AMPD2: variants seen among roughly 807,000 people sequenced by gnomAD.
The protein encoded by AMPD2 is AMP deaminase 2.
AMPD2 carries 52 observed loss-of-function variants against 91.3 expected under a neutral mutation model. The observed-to-expected ratio is 0.57, with a 90% confidence interval of 0.46 to 0.72. AMPD2 has a LOEUF of 0.72. Ranked by LOEUF, AMPD2 falls within the 30% of genes least tolerant of loss-of-function variation. The pLI is 0.00. For missense variants in AMPD2, 822 were observed against 1,122.3 expected, an observed-to-expected ratio of 0.73 and a Z score of 3.82; for synonymous variants, 455 against 456.4, an observed-to-expected ratio of 1.00 and a Z score of 0.04.
At position 109,631,514 on chromosome 1, in the gene AMPD2, T is replaced by G. The variant is rs1651269216; in HGVS notation, c.*362T>G. The G allele has an allele frequency of 5.6e-6, 2 of 359,216 alleles. No individual in the cohort carries two copies. Among genetic ancestry groups the G allele is most frequent in the South Asian group, 5.4e-5 (2 of 37,336 alleles). 22.3% of individuals were successfully genotyped at this position (359,216 alleles called of 1,614,324 possible). A position where few individuals can be genotyped will look rare whatever the true frequency, so the allele number is the denominator to read the frequency against. On this transcript the variant is annotated 3_prime_UTR_variant, in exon 19 of 19. Coordinates refer to ENST00000528667, the MANE Select transcript of AMPD2 (RefSeq NM_001368809.2). ...GCCTTTCCGGTCCTTCCTGGGCAAA[T>G]CTAAGCCTTGGCCAGGGCCGAAGTT...
intron 9 of AMPD2, 91 bp downstream of exon 9, chr1:109,627,609 C>G: frequency 1.3e-6 from 2 of 1,547,394 alleles, no homozygotes; most frequent in South Asian, 2.3e-5. Context: ...CACCTGGTGT[C>G]TTGCCCTTCC....
chr1:109,627,837 C>T lies in AMPD2; in HGVS notation c.1014C>T (p.Leu338=). 6.2e-7 allele frequency: 1 copy of T among 1,614,140 alleles called. No homozygotes were observed. The highest frequency in any genetic ancestry group is 8.5e-7 in the Non-Finnish European group (1 of 1,180,014). The change falls in exon 10 of 19, where the codon CTC becomes CTT. Residue 338 remains leucine, a synonymous_variant. Transcript: ENST00000528667. ...CCAAGTTCCAGATGCATGTGCTACT[C>T]AATGAGATGAAGGAGCTGGCCGCCC... ...LSSKFQMHVL[L]NEMKELAAQK...
At chr1:109,622,089 T>A in intron 2 of AMPD2, 1 of 404,126 alleles carries the variant, frequency 2.5e-6, no homozygotes, top group South Asian at 1.8e-5. Context: ...CCACCCTGAC[T>A]TTGATGACCA....
Position 109,621,198 on chromosome 1 carries a change from C to T in AMPD2, c.23C>T (p.Ser8Phe), listed in dbSNP as rs147463318. 1 of 1,608,296 alleles carries T rather than the reference C, an allele frequency of 6.2e-7. No homozygotes were observed. Among genetic ancestry groups the T allele is most frequent in the Non-Finnish European group, 8.5e-7 (1 of 1,177,248 alleles). ...GCCATGGCATCCTATCCATCTGGCT[C>T]TGGCAAGCCCAAGGCCAAATATCCC... The part of the protein sequence containing the change: MASYPSG[S>F]GKPKAKYPFK... Residue 8 changes from serine (S) to phenylalanine (F), a missense_variant, in exon 2 of 19, where the codon TCT (serine) becomes TTT (phenylalanine). By Grantham distance (155) the Ser-to-Phe change is radical (BLOSUM62 -2). This residue lies in a region of AMPD2 where 105 missense variants were observed against 125.0 expected (regional missense o/e 0.84). Transcript: ENST00000528667.
chr1:109,620,405 G>A (rs1650143181), intron 1 of AMPD2, 127 bp downstream of exon 1: 2 of 1,453,714 alleles, frequency 1.4e-6, no homozygotes, highest in Admixed American at 1.9e-5. Flanking sequence ...CTCCTCCCAG[G>A]AGGGCCTGGG....
chr1:109,629,578 C>T (rs941302482), intron 15 of AMPD2, 88 bp downstream of exon 15: 106 of 1,535,944 alleles, frequency 6.9e-5, no homozygotes, highest in Non-Finnish European at 9.2e-5. Flanking sequence ...GCCACTAGAC[C>T]TCTGACCCAC....
At position 109,631,195 on chromosome 1, in the gene AMPD2, A is replaced by G. The variant is rs1651240204; in HGVS notation, c.*43A>G. 1 of 1,538,626 alleles carries G rather than the reference A, an allele frequency of 6.5e-7. No individual in the cohort carries two copies. Among genetic ancestry groups the G allele is most frequent in the East Asian group, 2.4e-5 (1 of 40,942 alleles). ...CCCACCACATCGCAGCACTTTTACCACGTTTTGTCCTCAGACCCCGCCCAT... is the reference window on the plus strand; with the variant it reads ...CCCACCACATCGCAGCACTTTTACCGCGTTTTGTCCTCAGACCCCGCCCAT... On this transcript the variant is annotated 3_prime_UTR_variant, in exon 19 of 19. Coordinates refer to ENST00000528667, the MANE Select transcript of AMPD2 (RefSeq NM_001368809.2).
In AMPD2 at chr1:109,625,667, G is replaced by A. The variant is rs1454328927; in HGVS notation, c.228G>A (p.Leu76=). Reference sequence around the variant, plus strand: ...CCTTCCTTCCCTCCCCCCAGGAGCTGTTCACCCGCTCACTGGCTGAGAGCG... The same window carrying A: ...CCTTCCTTCCCTCCCCCCAGGAGCTATTCACCCGCTCACTGGCTGAGAGCG... ...DGKCKEIAEE[L]FTRSLAESEL... is the part of the protein sequence containing the mutation. The change falls in exon 4 of 19, where the codon CTG becomes CTA. Residue 76 remains leucine, a synonymous_variant. Coordinates refer to ENST00000528667, the MANE Select transcript of AMPD2 (RefSeq NM_001368809.2). This position sits in a 1 kb window ranked among gnomAD's most constrained non-coding sequence, Gnocchi z 4.0. The A allele has an allele frequency of 6.2e-7, 1 of 1,614,026 alleles. No individual in the cohort carries two copies. The highest frequency in any genetic ancestry group is 1.3e-5 in the African/African-American group (1 of 75,048).
rs553822688 is a variant in AMPD2 at position 109,627,481 on chromosome 1, G to C, written c.913G>C (p.Val305Leu). The C allele has an allele frequency of 6.2e-7, 1 of 1,614,030 alleles. No homozygotes were observed. The highest frequency in any genetic ancestry group is 8.5e-7 in the Non-Finnish European group (1 of 1,179,970). ...YPDLQEFVAD[V>L]NVLMALIING... ...TGACCTGCAGGAATTTGTGGCTGAC[G>C]TCAATGTGCTGATGGCCCTGATTAT... Residue 305 changes from valine to leucine, a missense_variant, in exon 9 of 19, where the codon GTC becomes CTC. This residue lies in a region of AMPD2 where 240 missense variants were observed against 270.3 expected (regional missense o/e 0.89). Coordinates refer to ENST00000528667, the MANE Select transcript of AMPD2 (RefSeq NM_001368809.2).
rs2101174469 is a variant in AMPD2, at chr1:109,630,406, G to A, written c.2157G>A (p.Lys719=). The change falls in exon 17 of 19, where the codon AAG becomes AAA. Residue 719 remains lysine, a splice_region_variant and synonymous_variant. Transcript: ENST00000528667. ...TDDPLQFHFT[K]EPLMEEYSIA... is the part of the protein sequence containing the mutation. ...ATCCCTTGCAGTTCCACTTCACCAA[G>A]GTCAGAGCCCAGCAGGCAGCCAGGC... The A allele has an allele frequency of 6.2e-7, 1 of 1,600,130 alleles. No individual in the cohort carries two copies. Among genetic ancestry groups the A allele is most frequent in the Non-Finnish European group, 8.5e-7 (1 of 1,172,014 alleles).
At position 109,625,655 on chromosome 1, in the gene AMPD2, C is replaced by T; in HGVS notation, c.223-7C>T. ...CAGCCATGCTGACCTTCCTTCCCTC[C>T]CCCCAGGAGCTGTTCACCCGCTCAC... On this transcript the variant is annotated splice_region_variant and splice_polypyrimidine_tract_variant and intron_variant, in intron 3 of 18. Coordinates refer to ENST00000528667, the MANE Select transcript of AMPD2 (RefSeq NM_001368809.2). The surrounding 1 kb of genome is among the most constrained non-coding windows in gnomAD (Gnocchi z 4.0). 1.9e-6 allele frequency: 3 copies of T among 1,612,638 alleles called. No individual in the cohort carries two copies. The highest frequency in any genetic ancestry group is 1.7e-4 in the Middle Eastern group (1 of 6,046).
chr1:109,626,006 C>T, intron 4 of AMPD2, 154 bp from the exon 5 acceptor site: 2 of 1,125,140 alleles, frequency 1.8e-6, no homozygotes, highest in Non-Finnish European at 2.6e-6. Context: ...GCTTTCTCAT[C>T]TCTAAAGTGA....
Position 109,620,903 on chromosome 1 carries a change from C to G in AMPD2, c.-262-11C>G. Reference sequence around the variant, plus strand: ...TTCTTTTCTACCCACCCCCTCCCCGCCCCCCGCCAGGCCCAGCCACCATCA... The same window carrying G: ...TTCTTTTCTACCCACCCCCTCCCCGGCCCCCGCCAGGCCCAGCCACCATCA... On this transcript the variant is annotated splice_polypyrimidine_tract_variant and intron_variant, in intron 1 of 18. Transcript: ENST00000528667. 6.9e-7 allele frequency: 1 copy of G among 1,459,160 alleles called. No individual in the cohort carries two copies. The highest frequency in any genetic ancestry group is 9.1e-7 in the Non-Finnish European group (1 of 1,102,590). The allele number at this position is 1,459,160 out of a possible 1,614,324, so 90.4% of individuals were successfully genotyped here. A position where few individuals can be genotyped will look rare whatever the true frequency, so the allele number is the denominator to read the frequency against.
At chr1:109,620,887 A>G in intron 1 of AMPD2, 27 bp from the exon 2 acceptor site, 2 of 1,436,218 alleles carry the variant, frequency 1.4e-6, no homozygotes, top group South Asian at 3.0e-5. Context: ...CTTCTTTTCT[A>G]CCCACCCCCT....
Position 109,631,383 on chromosome 1 carries a change from C to G in AMPD2, c.*231C>G. The G allele has an allele frequency of 3.4e-6, 2 of 586,030 alleles. No homozygotes were observed. Among genetic ancestry groups the G allele is most frequent in the South Asian group, 4.0e-5 (2 of 50,034 alleles). The allele number at this position is 586,030 out of a possible 1,614,324, so 36.3% of individuals were successfully genotyped here. A position where few individuals can be genotyped will look rare whatever the true frequency, so the allele number is the denominator to read the frequency against. On this transcript the variant is annotated 3_prime_UTR_variant, in exon 19 of 19. Transcript: ENST00000528667. ...CTGATGGCCCAGGTATTGAGGGCCTCCCCTGCTGGTGGCCCTGTCCTGGGA... is the reference window on the plus strand; with the variant it reads ...CTGATGGCCCAGGTATTGAGGGCCTGCCCTGCTGGTGGCCCTGTCCTGGGA...
chr1:109,628,921 G>A lies in AMPD2; in HGVS notation c.1571+115G>A. ...CCCTTGTCCCTGCCAACCCCTCTGAGTGCAAGGAAGGGCTTCCTGGTCCCA... is the reference window on the plus strand; with the variant it reads ...CCCTTGTCCCTGCCAACCCCTCTGAATGCAAGGAAGGGCTTCCTGGTCCCA... On this transcript the variant is annotated intron_variant, in intron 13 of 18. Coordinates refer to ENST00000528667, the MANE Select transcript of AMPD2 (RefSeq NM_001368809.2). The surrounding 1 kb of genome is among the most constrained non-coding windows in gnomAD (Gnocchi z 7.1). 6.9e-7 allele frequency: 1 copy of A among 1,452,154 alleles called. No homozygotes were observed. The highest frequency in any genetic ancestry group is 9.2e-7 in the Non-Finnish European group (1 of 1,088,650). The allele number at this position is 1,452,154 out of a possible 1,614,324, so 90.0% of individuals were successfully genotyped here. A position where few individuals can be genotyped will look rare whatever the true frequency, so the allele number is the denominator to read the frequency against.
Position 109,631,263 on chromosome 1 carries a change from C to T in AMPD2, c.*111C>T, listed in dbSNP as rs1651248163. 9.3e-7 allele frequency: 1 copy of T among 1,080,838 alleles called. No individual in the cohort carries two copies. Among genetic ancestry groups the T allele is most frequent in the Non-Finnish European group, 1.4e-6 (1 of 731,858 alleles). The allele number at this position is 1,080,838 out of a possible 1,614,324, so 67.0% of individuals were successfully genotyped here. On this transcript the variant is annotated 3_prime_UTR_variant, in exon 19 of 19. Transcript: ENST00000528667. ...TGTCTCCATTCTTCTCTGTCTCTGT[C>T]TTGCATGTCTCCTACCATGTCACTG...
At position 109,620,386 on chromosome 1, in the gene AMPD2, G is replaced by T. The variant is rs761400230; in HGVS notation, c.-263+108G>T. ...CAGCACAGCAGCAGGACCTAGGGAA[G>T]GCGGTCAGCTCCTCCCAGGAGGGCC... On this transcript the variant is annotated intron_variant, in intron 1 of 18. Transcript: ENST00000528667. 7.2e-6 allele frequency: 11 copies of T among 1,525,842 alleles called. 1 individual carries two copies. In the Admixed American group the frequency reaches 1.4e-4, roughly 20 times the overall value. 94.5% of individuals were successfully genotyped at this position (1,525,842 alleles called of 1,614,324 possible).
At position 109,624,101 on chromosome 1, in the gene AMPD2, G is replaced by T. The variant is rs901963579; in HGVS notation, c.92-1202G>T. The T allele has an allele frequency of 1.1e-4, 106 of 985,340 alleles. No homozygotes were observed. The highest frequency in any genetic ancestry group is 1.2e-4 in the Non-Finnish European group (102 of 829,912). 61.0% of individuals were successfully genotyped at this position (985,340 alleles called of 1,614,324 possible). On this transcript the variant is annotated intron_variant, in intron 2 of 18. Transcript: ENST00000528667. The surrounding 1 kb of genome is among the most constrained non-coding windows in gnomAD (Gnocchi z 5.2). Reference sequence around the variant, plus strand: ...CCTGCACTCTGCAGGTAGGGTTCAGGCAGGGGCCGGGGTGCGCAGGGGACG... The same window carrying T: ...CCTGCACTCTGCAGGTAGGGTTCAGTCAGGGGCCGGGGTGCGCAGGGGACG...
Sources: allele counts gnomAD v4.1 joint callset, GRCh38; gene constraint gnomAD v4.1.1; regional missense constraint gnomAD v4.1.1; non-coding constraint Gnocchi (gnomAD v3.1); transcripts MANE v1.5; gene names NCBI Gene and HGNC (gene_info 2026-07-23, HGNC 2026-07-21).